The following RBFOX1 variants were observed in gnomAD, a reference collection of about 807,000 sequenced individuals.
The protein encoded by RBFOX1 is RNA binding protein fox-1 homolog 1.
Under a neutral mutation model 57.7 loss-of-function variants are expected in RBFOX1, and 8 were observed. That is an observed-to-expected ratio of 0.14 (90% confidence interval 0.08 to 0.25). The LOEUF is 0.25. Among genes scored for constraint, RBFOX1 ranks in the 10% least tolerant of loss-of-function variants. The pLI, the probability that RBFOX1 is intolerant of heterozygous loss-of-function variation, is 1.00. For missense variants in RBFOX1, 611 were observed against 548.5 expected, an observed-to-expected ratio of 1.11 and a Z score of -1.14; for synonymous variants, 326 against 222.4, an observed-to-expected ratio of 1.47 and a Z score of -4.15.
chr16:6,980,552 T>G (rs1381738908), intron 3 of RBFOX1, among the ~76,000 whole-genome samples: 2 of 152,158 alleles, frequency 1.3e-5, no homozygotes, highest in Non-Finnish European at 2.9e-5. Context: ...ACATTTGACA[T>G]GAGAATCAAA....
intron 2 of RBFOX1, among the ~76,000 whole-genome samples, chr16:6,401,863 C>T (rs568649701): frequency 7.3e-5 from 11 of 151,556 alleles, no homozygotes; most frequent in South Asian, 6.3e-4. Context: ...CTAGTAAATC[C>T]ATCAATAACC....
chr16:7,346,362 A>G (rs1603626215), intron 4 of RBFOX1, among the ~76,000 whole-genome samples: 3 of 151,202 alleles, frequency 2.0e-5, no homozygotes, highest in South Asian at 2.1e-4. Flanking sequence ...AGGGCAGTGT[A>G]TTTTCTTTAG....
At chr16:6,892,233 A>G (rs887831060) in intron 3 of RBFOX1, among the ~76,000 whole-genome samples, 21 of 152,148 alleles carry the variant, frequency 1.4e-4, no homozygotes, top group African/African-American at 3.9e-4. Context: ...AGCTCCTTCA[A>G]TTCTTCACAT....
At chr16:6,273,653 C>G (rs1023934234) in intron 1 of RBFOX1, among the ~76,000 whole-genome samples, 1 of 151,796 alleles carries the variant, frequency 6.6e-6, no homozygotes, top group Non-Finnish European at 1.5e-5. Flanking sequence ...GCCTAGAGTT[C>G]TTAGAATTAG....
intron 2 of RBFOX1, among the ~76,000 whole-genome samples, chr16:6,580,749 C>T (rs1377183810): frequency 6.6e-6 from 1 of 152,112 alleles, no homozygotes; most frequent in East Asian, 1.9e-4. Flanking sequence ...GAAGTAAGTT[C>T]CCTGGCCCCA....
At chr16:7,587,999 T>G (rs1430834957) in intron 7 of RBFOX1, among the ~76,000 whole-genome samples, 1 of 152,058 alleles carries the variant, frequency 6.6e-6, no homozygotes, top group Non-Finnish European at 1.5e-5. Flanking sequence ...GGCAACATGG[T>G]GGAACCTCGT....
intron 4 of RBFOX1, among the ~76,000 whole-genome samples, chr16:7,108,654 G>C (rs1268449645): frequency 6.6e-6 from 1 of 152,116 alleles, no homozygotes; most frequent in Admixed American, 6.6e-5. Flanking sequence ...GAGCATAGGA[G>C]TTTAAAGCAA....
chr16:7,100,430 G>A (rs1405484361), intron 4 of RBFOX1, among the ~76,000 whole-genome samples: 1 of 151,982 alleles, frequency 6.6e-6, no homozygotes, highest in African/African-American at 2.4e-5. Flanking sequence ...TAAAATATCA[G>A]TATATTTGAA....
rs114476125 is a variant in RBFOX1 at position 7,155,554 on chromosome 16, C to G, written c.27+103456C>G. Among the ~76,000 whole-genome samples, 601 of 150,552 alleles carry G rather than the reference C, an allele frequency of 4.0e-3. 6 individuals are homozygous for G. Among genetic ancestry groups the G allele is most frequent in the African/African-American group, 0.014 (574 of 40,758 alleles). ...TAGGTTGCCATGACTGGAGATTGCACCACTGCCCTCCAGCTTGGGTAACAG... is the reference window on the plus strand; with the variant it reads ...TAGGTTGCCATGACTGGAGATTGCAGCACTGCCCTCCAGCTTGGGTAACAG... On this transcript the variant is annotated intron_variant, in intron 4 of 15. Coordinates refer to ENST00000550418, the MANE Select transcript of RBFOX1 (RefSeq NM_018723.4).
At chr16:5,400,002 C>G (rs1270313552) in intron 1 of RBFOX1, among the ~76,000 whole-genome samples, 3 of 152,128 alleles carry the variant, frequency 2.0e-5, no homozygotes, top group African/African-American at 7.2e-5. Context: ...GCCCTCCTTT[C>G]ACCCCATCCT....
chr16:6,218,509 C>T (rs1163309719), intron 1 of RBFOX1, among the ~76,000 whole-genome samples: 1 of 151,988 alleles, frequency 6.6e-6, no homozygotes. Flanking sequence ...GGGATTCTAC[C>T]CTGTTTGCCA....
chr16:5,869,933 C>T (rs1026188444), intron 4 of RBFOX1, among the ~76,000 whole-genome samples: 1 of 152,066 alleles, frequency 6.6e-6, no homozygotes. Flanking sequence ...TGTCTATTAA[C>T]AGAGTAACAG....
intron 14 of RBFOX1, among the ~76,000 whole-genome samples, chr16:7,707,425 C>A (rs747925650): frequency 1.3e-5 from 2 of 152,052 alleles, no homozygotes; most frequent in African/African-American, 4.8e-5. Flanking sequence ...GGAAAAGGTA[C>A]GTGCAAATTG....
chr16:6,991,466 A>C (rs907962443), intron 3 of RBFOX1, among the ~76,000 whole-genome samples: 1 of 152,186 alleles, frequency 6.6e-6, no homozygotes, highest in African/African-American at 2.4e-5. Flanking sequence ...ACAAATACGT[A>C]GATAAGTCCT....
chr16:5,341,295 GTCTGAT>G (rs139784568), intron 1 of RBFOX1, among the ~76,000 whole-genome samples: 7,704 of 152,174 alleles, frequency 0.051, 641 homozygotes, highest in African/African-American at 0.17. Flanking sequence ...GAATGGCATG[GTCTGAT>G]TTATATTGAG....
chr16:5,907,840 T>A (rs1016318212), intron 4 of RBFOX1, among the ~76,000 whole-genome samples: 1 of 151,878 alleles, frequency 6.6e-6, no homozygotes, highest in African/African-American at 2.4e-5. Flanking sequence ...AGCCTCTGCC[T>A]CCCAGGTTCA....
At chr16:7,248,424 A>G (rs929679819) in intron 4 of RBFOX1, among the ~76,000 whole-genome samples, 14 of 152,176 alleles carry the variant, frequency 9.2e-5, no homozygotes, top group African/African-American at 3.4e-4. Context: ...GAGTCCCTTC[A>G]TATCTTTCCA....
chr16:7,025,987 G>T (rs1338755593), intron 3 of RBFOX1, among the ~76,000 whole-genome samples: 3 of 152,160 alleles, frequency 2.0e-5, no homozygotes, highest in Non-Finnish European at 1.5e-5. Context: ...GGTATCTGTA[G>T]ACTGGTCATA....
chr16:6,328,351 G>C (rs753652956), intron 2 of RBFOX1, among the ~76,000 whole-genome samples: 1 of 152,046 alleles, frequency 6.6e-6, no homozygotes, highest in Admixed American at 6.6e-5. Flanking sequence ...GGTGATGGGT[G>C]CACCAAAATC....
Sources: gnomAD v4.1 joint callset for allele counts (sites outside exome capture counted in the v4.1 genomes callset) on GRCh38, gnomAD v4.1.1 for gene constraint, MANE v1.5 for transcripts, NCBI Gene and HGNC (gene_info 2026-07-23, HGNC 2026-07-21) for gene names.